TENM4: variants seen among roughly 807,000 people sequenced by gnomAD.
The protein encoded by TENM4 is teneurin transmembrane protein 4.
In TENM4, 82 loss-of-function variants were observed where a neutral mutation model predicts 243.3. That is an observed-to-expected ratio of 0.34 (90% CI 0.28 to 0.40). TENM4 has a LOEUF of 0.40. Among genes scored for constraint, TENM4 ranks in the 10% least tolerant of loss-of-function variants. The probability of loss-of-function intolerance (pLI) is 1.00; values close to 1 mark genes in which losing one functional copy is unlikely to be tolerated. For missense variants in TENM4, 3,138 were observed against 3,673.3 expected, an observed-to-expected ratio of 0.85 and a Z score of 3.77; for synonymous variants, 1,412 against 1,456.3, an observed-to-expected ratio of 0.97 and a Z score of 0.69.
At chr11:78,699,796 T>C in intron 28 of TENM4, among the ~76,000 whole-genome samples, 1 of 152,208 alleles carries the variant, frequency 6.6e-6, no homozygotes, top group East Asian at 1.9e-4. Flanking sequence ...GATGCAGTGA[T>C]GTGTGAGCAT....
chr11:78,957,194 A>G (rs1013362015), intron 6 of TENM4, among the ~76,000 whole-genome samples: 6 of 152,212 alleles, frequency 3.9e-5, no homozygotes, highest in African/African-American at 1.4e-4. Context: ...TTGCTGCAAG[A>G]GAGTTGAGAG....
At chr11:78,672,849 C>T (rs551903484) in intron 30 of TENM4, among the ~76,000 whole-genome samples, 1 of 152,054 alleles carries the variant, frequency 6.6e-6, no homozygotes, top group African/African-American at 2.4e-5. Flanking sequence ...AACGTGCCCC[C>T]AAACACTCAG....
chr11:79,182,142 A>G (rs972324692), intron 3 of TENM4, among the ~76,000 whole-genome samples: 5 of 152,160 alleles, frequency 3.3e-5, no homozygotes, highest in African/African-American at 9.6e-5. Context: ...CCAACTCAAC[A>G]TTGGAGAAGA....
chr11:79,439,353 G>A, intron 1 of TENM4, among the ~76,000 whole-genome samples: 1 of 151,950 alleles, frequency 6.6e-6, no homozygotes, highest in East Asian at 1.9e-4. Context: ...TAGAGATCGG[G>A]TGGGGGCTTG....
chr11:78,936,968 T>G (rs1189350290), intron 6 of TENM4, among the ~76,000 whole-genome samples: 1 of 152,170 alleles, frequency 6.6e-6, no homozygotes, highest in Non-Finnish European at 1.5e-5. Flanking sequence ...TTAAGGAACT[T>G]GATTGAAAAG....
intron 4 of TENM4, among the ~76,000 whole-genome samples, chr11:79,143,583 G>A (rs1354051928): frequency 6.6e-6 from 1 of 151,828 alleles, no homozygotes; most frequent in Non-Finnish European, 1.5e-5. Flanking sequence ...TGTAAATGAC[G>A]AGCTAATGGG....
chr11:79,105,314 A>G (rs1433733465), intron 4 of TENM4, among the ~76,000 whole-genome samples: 1 of 152,244 alleles, frequency 6.6e-6, no homozygotes, highest in Non-Finnish European at 1.5e-5. Flanking sequence ...TGTGTGCTCA[A>G]GCAAATCCAG....
chr11:79,092,422 C>A (rs903717922), intron 4 of TENM4, among the ~76,000 whole-genome samples: 4 of 152,234 alleles, frequency 2.6e-5, no homozygotes, highest in African/African-American at 9.6e-5. Context: ...CTCCTGACTC[C>A]TAGGCCAAGT....
chr11:78,899,827 C>T (rs1019833270), intron 7 of TENM4, among the ~76,000 whole-genome samples: 1 of 152,164 alleles, frequency 6.6e-6, no homozygotes, highest in Non-Finnish European at 1.5e-5. Flanking sequence ...GTGGAAGCAG[C>T]CTGAGGCTCT....
intron 1 of TENM4, among the ~76,000 whole-genome samples, chr11:79,357,020 A>T (rs1010921654): frequency 5.9e-5 from 9 of 152,166 alleles, no homozygotes; most frequent in African/African-American, 1.9e-4. Flanking sequence ...ACCAACAAGA[A>T]AAATCTGTCC....
Position 79,008,960 on chromosome 11 carries a change from A to T in TENM4, c.493+55778T>A, listed in dbSNP as rs75945364. On this transcript the variant is annotated intron_variant, in intron 6 of 33. Transcript: ENST00000278550. Reference sequence around the variant, plus strand: ...AACATATCTTCTATGTAATTTGCTAAGTAAAAAATGCCATCTCTTAGTGTT... The same window carrying T: ...AACATATCTTCTATGTAATTTGCTATGTAAAAAATGCCATCTCTTAGTGTT... Among the ~76,000 whole-genome samples, 13 of 152,352 alleles carry T rather than the reference A, an allele frequency of 8.5e-5. No homozygotes were observed. In the East Asian group the frequency reaches 2.5e-3, roughly 29 times the overall value.
intron 3 of TENM4, among the ~76,000 whole-genome samples, chr11:79,172,253 A>G (rs1237611374): frequency 2.6e-5 from 4 of 152,008 alleles, no homozygotes; most frequent in African/African-American, 7.3e-5. Flanking sequence ...GCACCTAGTC[A>G]GCACTGTTAA....
chr11:78,708,937 G>C (rs527975761), intron 26 of TENM4, among the ~76,000 whole-genome samples: 1 of 122,566 alleles, frequency 8.2e-6, no homozygotes. Flanking sequence ...TCCCCTTTTT[G>C]GTAACCATTT....
At chr11:78,674,924 G>C (rs552420553) in intron 30 of TENM4, among the ~76,000 whole-genome samples, 1 of 151,780 alleles carries the variant, frequency 6.6e-6, no homozygotes, top group Non-Finnish European at 1.5e-5. Flanking sequence ...GGAGTGCAGC[G>C]GCGCGATCTC....
At chr11:79,146,687 C>G (rs1479558771) in intron 4 of TENM4, among the ~76,000 whole-genome samples, 2 of 152,090 alleles carry the variant, frequency 1.3e-5, no homozygotes. Flanking sequence ...GAGAAAGACT[C>G]TCCCATATCC....
chr11:79,418,152 T>C lies in TENM4; in HGVS notation c.-321+22357A>G, dbSNP rs971770706. On this transcript the variant is annotated intron_variant, in intron 1 of 33. Coordinates refer to ENST00000278550, the MANE Select transcript of TENM4 (RefSeq NM_001098816.3). Reference sequence around the variant, plus strand: ...AACATAAATTATATATTATATATGATACAAATACAATTTAAAATTCTATTC... The same window carrying C: ...AACATAAATTATATATTATATATGACACAAATACAATTTAAAATTCTATTC... Among the ~76,000 whole-genome samples the C allele has an allele frequency of 2.6e-5, 4 of 151,960 alleles. No individual in the cohort carries two copies. In the South Asian group the frequency reaches 8.3e-4, roughly 32 times the overall value.
At chr11:79,023,220 C>T (rs1343252866) in intron 6 of TENM4, among the ~76,000 whole-genome samples, 1 of 152,152 alleles carries the variant, frequency 6.6e-6, no homozygotes, top group Non-Finnish European at 1.5e-5. Context: ...AATGCCACCA[C>T]CCTCACATTA....
At chr11:78,715,721 C>T (rs1295838582) in intron 25 of TENM4, among the ~76,000 whole-genome samples, 1 of 152,210 alleles carries the variant, frequency 6.6e-6, no homozygotes, top group Admixed American at 6.5e-5. Flanking sequence ...TGTCGAATGA[C>T]TAAGTCCCTG....
At chr11:78,854,017 T>C (rs1482290100) in intron 12 of TENM4, 87 bp downstream of exon 12, 2 of 1,318,916 alleles carry the variant, frequency 1.5e-6, no homozygotes, top group Non-Finnish European at 2.1e-6. Context: ...TGACATCCCC[T>C]TGTCAGTGTC....
Sources: allele counts gnomAD v4.1 joint callset (sites outside exome capture counted in the v4.1 genomes callset), GRCh38; gene constraint gnomAD v4.1.1; transcripts MANE v1.5; gene names NCBI Gene and HGNC (gene_info 2026-07-23, HGNC 2026-07-21).